The following PER2 variants were observed in gnomAD, a reference collection of about 807,000 sequenced individuals.
PER2 encodes the protein period circadian protein homolog 2.
Under a neutral mutation model 121.0 loss-of-function variants are expected in PER2, and 66 were observed. The ratio of observed to expected loss-of-function variants is 0.55; its 90% CI spans 0.45 to 0.67. The LOEUF is 0.67. Ranked by LOEUF, PER2 falls within the 30% of genes least tolerant of loss-of-function variation. PER2 has a pLI of 0.00. For missense variants in PER2, 1,521 were observed against 1,635.0 expected, an observed-to-expected ratio of 0.93 and a Z score of 1.20; for synonymous variants, 684 against 659.9, an observed-to-expected ratio of 1.04 and a Z score of -0.56.
rs762219775 is a variant in PER2, at chr2:238,277,209, AT to A, written c.231-17del. 13 of 1,584,548 alleles carry A rather than the reference AT, an allele frequency of 8.2e-6. No individual in the cohort carries two copies. The South Asian group carries it at 1.3e-4, about 16-fold the overall frequency. Reference sequence around the variant, plus strand: ...GGTATCTGGACTATGAAAACAAAAAATAAAAGCAAAATTTAGACAATTGTAT... The same window carrying A: ...GGTATCTGGACTATGAAAACAAAAAAAAAAGCAAAATTTAGACAATTGTAT... On this transcript the variant is annotated splice_polypyrimidine_tract_variant and intron_variant, in intron 2 of 22. Coordinates refer to ENST00000254657, the MANE Select transcript of PER2 (RefSeq NM_022817.3).
intron 1 of PER2, among the ~76,000 whole-genome samples, chr2:238,281,219 G>T (rs1467364768): frequency 6.6e-6 from 1 of 152,122 alleles, no homozygotes; most frequent in Non-Finnish European, 1.5e-5. Context: ...GGCCAGGATG[G>T]TCTTGATCTC....
At chr2:238,280,097 G>A (rs560589039) in intron 1 of PER2, among the ~76,000 whole-genome samples, 9 of 152,268 alleles carry the variant, frequency 5.9e-5, no homozygotes, top group African/African-American at 1.9e-4. Context: ...ACACCCCCAG[G>A]TGCCCTCCCC....
chr2:238,269,774 A>G (rs1696229945), intron 6 of PER2, among the ~76,000 whole-genome samples: 1 of 152,288 alleles, frequency 6.6e-6, no homozygotes, highest in Non-Finnish European at 1.5e-5. Flanking sequence ...ACGGATGTCC[A>G]GAACATTGAC....
Position 238,253,834 on chromosome 2 carries a change from T to A in PER2, c.2321-132A>T, listed in dbSNP as rs993079542. 5 of 710,296 alleles carry A rather than the reference T, an allele frequency of 7.0e-6. No individual in the cohort carries two copies. In the Admixed American group the frequency reaches 1.1e-4, roughly 15 times the overall value. 44.0% of individuals were successfully genotyped at this position (710,296 alleles called of 1,614,324 possible). A position where few individuals can be genotyped will look rare whatever the true frequency, so the allele number is the denominator to read the frequency against. On this transcript the variant is annotated intron_variant, in intron 18 of 22. Coordinates refer to ENST00000254657, the MANE Select transcript of PER2 (RefSeq NM_022817.3). This position sits in a 1 kb window ranked among gnomAD's most constrained non-coding sequence, Gnocchi z 5.6. ...TGGTCCACCGAGCGGTTTTCCCTGA[T>A]CCTCAGTGAAGTGAGAAAAATCAGG...
chr2:238,248,279 G>C (rs1384238579), intron 22 of PER2, among the ~76,000 whole-genome samples: 1 of 152,218 alleles, frequency 6.6e-6, no homozygotes. Flanking sequence ...GTGTTCGGCT[G>C]CTGGAGAACT....
chr2:238,260,482 C>T (rs1371622779), intron 13 of PER2, among the ~76,000 whole-genome samples: 3 of 152,184 alleles, frequency 2.0e-5, no homozygotes, highest in Non-Finnish European at 4.4e-5. Context: ...TCTTGAACTC[C>T]TGACCTTAGG....
chr2:238,258,064 C>A (rs1160866755), intron 16 of PER2, among the ~76,000 whole-genome samples: 3 of 152,238 alleles, frequency 2.0e-5, no homozygotes, highest in Non-Finnish European at 4.4e-5. Context: ...CTCCAGTAGC[C>A]CCACTGGCTT....
intron 4 of PER2, 62 bp downstream of exon 4, chr2:238,275,681 A>G (rs1696429692): frequency 1.3e-6 from 2 of 1,534,400 alleles, no homozygotes; most frequent in South Asian, 1.1e-5. Context: ...TCCAAGCTAT[A>G]ATTTGGGGGG....
upstream of PER2, among the ~76,000 whole-genome samples, chr2:238,292,524 T>C (rs768532304): frequency 2.5e-4 from 38 of 152,188 alleles, no homozygotes; most frequent in Non-Finnish European, 4.9e-4. Context: ...TGGAATAGAA[T>C]GGTGAGAGTG....
intron 1 of PER2, among the ~76,000 whole-genome samples, chr2:238,287,025 A>G (rs907956652): frequency 2.0e-5 from 3 of 152,140 alleles, no homozygotes; most frequent in Non-Finnish European, 4.4e-5. Flanking sequence ...ATTAAAGTAG[A>G]CCTCTGAGAC....
rs1230649778 is a variant in PER2 at position 238,245,902 on chromosome 2, C to T, written c.*473G>A. 2 of 355,608 alleles carry T rather than the reference C, an allele frequency of 5.6e-6. No homozygotes were observed. Among genetic ancestry groups the T allele is most frequent in the Non-Finnish European group, 1.0e-5 (2 of 200,100 alleles). 22.0% of individuals were successfully genotyped at this position (355,608 alleles called of 1,614,324 possible). ...TCTCCATTTGGTATGTATAAAAAAACACTCTACCTTGACTAAATGATAATT... is the reference window on the plus strand; with the variant it reads ...TCTCCATTTGGTATGTATAAAAAAATACTCTACCTTGACTAAATGATAATT... On this transcript the variant is annotated 3_prime_UTR_variant, in exon 23 of 23. Transcript: ENST00000254657.
At chr2:238,264,045 G>A (rs1049323334) in intron 9 of PER2, among the ~76,000 whole-genome samples, 1 of 151,942 alleles carries the variant, frequency 6.6e-6, no homozygotes, top group African/African-American at 2.4e-5. Context: ...GGGAGGAGGA[G>A]GGGGAGCCCT....
At chr2:238,296,931 GGTTC>G in the PER2 span, among the ~76,000 whole-genome samples, 1 of 152,230 alleles carries the variant, frequency 6.6e-6, no homozygotes, top group East Asian at 1.9e-4. Flanking sequence ...AGTGCTGAGC[GGTTC>G]ATGGCAGGCA....
At chr2:238,258,029 G>C (rs527747788) in intron 16 of PER2, among the ~76,000 whole-genome samples, 77 of 152,286 alleles carry the variant, frequency 5.1e-4, no homozygotes, top group African/African-American at 1.6e-3. Flanking sequence ...GTCTGCATGA[G>C]GGGGGTCAGG....
upstream of PER2, among the ~76,000 whole-genome samples, chr2:238,292,544 G>A (rs1369850834): frequency 3.3e-5 from 5 of 152,160 alleles, no homozygotes; most frequent in Non-Finnish European, 7.4e-5. Context: ...GGGCATCCTT[G>A]GCCCGTTCCA....
chr2:238,263,484 G>C (rs139044180), intron 9 of PER2, among the ~76,000 whole-genome samples: 8 of 151,982 alleles, frequency 5.3e-5, no homozygotes, highest in African/African-American at 9.6e-5. Flanking sequence ...GCCTGGTCTC[G>C]TGTGACTTTG....
intron 16 of PER2, among the ~76,000 whole-genome samples, chr2:238,257,672 C>A (rs2106372697): frequency 6.6e-6 from 1 of 152,322 alleles, no homozygotes; most frequent in South Asian, 2.1e-4. Context: ...TGGGGTTTCA[C>A]CATGTTGGCC....
rs376683523 is a variant in PER2, at chr2:238,249,217, G to C, written c.3468-5C>G. On this transcript the variant is annotated splice_polypyrimidine_tract_variant and splice_region_variant and intron_variant, in intron 21 of 22. Coordinates refer to ENST00000254657, the MANE Select transcript of PER2 (RefSeq NM_022817.3). ...TTCAAAACCGCTTCTAAATTTCTTC[G>C]CAAGATATTTAGAAATCGGTAAGCT... 6.2e-6 allele frequency: 10 copies of C among 1,612,230 alleles called. No individual in the cohort carries two copies. The highest frequency in any genetic ancestry group is 5.3e-5 in the African/African-American group (4 of 74,896).
chr2:238,257,174 C>A, intron 16 of PER2, 88 bp from the exon 17 acceptor site: 2 of 1,227,572 alleles, frequency 1.6e-6, no homozygotes, highest in Non-Finnish European at 1.1e-6. Flanking sequence ...GCCCATACAG[C>A]TTCCACACCA....
Sources: allele counts gnomAD v4.1 joint callset (sites outside exome capture counted in the v4.1 genomes callset), GRCh38; gene constraint gnomAD v4.1.1; non-coding constraint Gnocchi (gnomAD v3.1); transcripts MANE v1.5; gene names NCBI Gene and HGNC (gene_info 2026-07-23, HGNC 2026-07-21).